Variants in SCNN1G observed in about 807,000 individuals in gnomAD.
SCNN1G encodes the protein epithelial sodium channel subunit gamma.
Under a neutral mutation model 64.6 loss-of-function variants are expected in SCNN1G, and 27 were observed. The ratio of observed to expected loss-of-function variants is 0.42; its 90% CI spans 0.31 to 0.58. The LOEUF is 0.58. SCNN1G is among the 20% of genes least tolerant of loss of function. The probability of loss-of-function intolerance (pLI) is 0.18; values close to 1 mark genes in which losing one functional copy is unlikely to be tolerated. For synonymous variants in SCNN1G, 330 were observed against 314.2 expected (o/e 1.05, Z -0.53); for missense variants, 743 against 823.4 (o/e 0.90, Z 1.19).
chr16:23,207,574 T>C (rs1960010353), intron 6 of SCNN1G, among the ~76,000 whole-genome samples: 1 of 152,206 alleles, frequency 6.6e-6, no homozygotes, highest in South Asian at 2.1e-4. Context: ...CTCTTGTTAG[T>C]GAGAAGGGCG....
Position 23,215,699 on chromosome 16 carries a change from C to T in SCNN1G, c.*230C>T, listed in dbSNP as rs72647546. On this transcript the variant is annotated 3_prime_UTR_variant, in exon 13 of 13. Transcript: ENST00000300061. ...CAACTGTCCAGGCTGAGATAAATCC[C>T]GGGACCTGAACTATTAGCACGTCAC... is the stretch of plus-strand genomic sequence containing the variant. 9.6e-4 allele frequency: 581 copies of T among 602,148 alleles called. 3 individuals carry two copies. Among genetic ancestry groups the T allele is most frequent in the South Asian group, 6.3e-3 (320 of 50,936 alleles). 37.3% of individuals were successfully genotyped at this position (602,148 alleles called of 1,614,324 possible). A position where few individuals can be genotyped will look rare whatever the true frequency, so the allele number is the denominator to read the frequency against.
chr16:23,212,552 A>G, intron 8 of SCNN1G, 126 bp from the exon 9 acceptor site: 1 of 787,046 alleles, frequency 1.3e-6, no homozygotes, highest in South Asian at 1.4e-5. Flanking sequence ...GTTTCCAGAG[A>G]GTTGGTAGAA....
intron 6 of SCNN1G, among the ~76,000 whole-genome samples, chr16:23,204,320 TATATATATATATATAGAGAGAG>T (rs1380279950): frequency 1.9e-4 from 15 of 80,108 alleles, no homozygotes; most frequent in African/African-American, 3.3e-4. Context: ...TATATATATA[TATATATATATATATAGAGAGAG>T]AGAGAGAGAG....
At chr16:23,207,559 A>C (rs994434787) in intron 6 of SCNN1G, among the ~76,000 whole-genome samples, 2 of 152,170 alleles carry the variant, frequency 1.3e-5, no homozygotes, top group African/African-American at 4.8e-5. Context: ...ATAGAAAGAC[A>C]CTCACTCTTG....
intron 1 of SCNN1G, among the ~76,000 whole-genome samples, chr16:23,185,557 C>T (rs1471868021): frequency 6.6e-6 from 1 of 152,032 alleles, no homozygotes; most frequent in Non-Finnish European, 1.5e-5. Context: ...ACTAAGTGGC[C>T]AATAGTTGCA....
At position 23,186,225 on chromosome 16, in the gene SCNN1G, C is replaced by T; in HGVS notation, c.-44-3C>T. 1 of 1,596,756 alleles carries T rather than the reference C, an allele frequency of 6.3e-7. No homozygotes were observed. Among genetic ancestry groups the T allele is most frequent in the Non-Finnish European group, 8.6e-7 (1 of 1,164,552 alleles). On this transcript the variant is annotated splice_region_variant and splice_polypyrimidine_tract_variant and intron_variant, in intron 1 of 12. Transcript: ENST00000300061. ...CACCTGCTTCTCTTCTTTGCCCCTCCAGCACGCCCGTCCTCAGAGTCCCGT... is the reference window on the plus strand; with the variant it reads ...CACCTGCTTCTCTTCTTTGCCCCTCTAGCACGCCCGTCCTCAGAGTCCCGT...
chr16:23,197,985 A>C (rs776561002), intron 6 of SCNN1G, among the ~76,000 whole-genome samples: 4 of 152,228 alleles, frequency 2.6e-5, no homozygotes, highest in Non-Finnish European at 5.9e-5. Context: ...GAAGCAAGGC[A>C]TTAGGACACT....
At position 23,215,318 on chromosome 16, in the gene SCNN1G, A is replaced by G. The variant is rs1338233777; in HGVS notation, c.1799A>G (p.Asp600Gly). ...GACAATCCAGCCCTGGATATAGACG[A>G]TGACCTACCCACTTTCAACTCTGCT... is the stretch of plus-strand genomic sequence containing the variant. ...GQDNPALDID[D>G]DLPTFNSALH... The change falls in exon 13 of 13, where the codon GAT (aspartate) becomes GGT (glycine). Residue 600 changes from aspartate to glycine, a missense_variant. Asp to Gly is a moderately conservative substitution (Grantham distance 94). Coordinates refer to ENST00000300061, the MANE Select transcript of SCNN1G (RefSeq NM_001039.4). The G allele has an allele frequency of 6.2e-7, 1 of 1,614,164 alleles. No individual in the cohort carries two copies.
At chr16:23,206,480 C>T (rs1485804653) in intron 6 of SCNN1G, among the ~76,000 whole-genome samples, 4 of 152,124 alleles carry the variant, frequency 2.6e-5, no homozygotes, top group East Asian at 1.9e-4. Context: ...CTGGGTGCAG[C>T]GCCCCATACC....
chr16:23,215,928 T>C lies in SCNN1G; in HGVS notation c.*459T>C. The C allele has an allele frequency of 4.6e-6, 1 of 215,358 alleles. No individual in the cohort carries two copies. The highest frequency in any genetic ancestry group is 1.2e-4 in the East Asian group (1 of 8,526). The allele number at this position is 215,358 out of a possible 1,614,324, so 13.3% of individuals were successfully genotyped here. A position where few individuals can be genotyped will look rare whatever the true frequency, so the allele number is the denominator to read the frequency against. Reference sequence around the variant, plus strand: ...GACAGCTACTGCCAGATGCCAAAGATAGGAGAAAGTGCCAGCCCTGAAGCT... The same window carrying C: ...GACAGCTACTGCCAGATGCCAAAGACAGGAGAAAGTGCCAGCCCTGAAGCT... On this transcript the variant is annotated 3_prime_UTR_variant, in exon 13 of 13. Transcript: ENST00000300061.
rs1199336578 is a variant in SCNN1G at position 23,216,819 on chromosome 16, A to T, written c.*1350A>T. The T allele has an allele frequency of 1.3e-5, 2 of 152,326 alleles. No homozygotes were observed. The highest frequency in any genetic ancestry group is 3.9e-4 in the East Asian group (2 of 5,184). 9.4% of individuals were successfully genotyped at this position (152,326 alleles called of 1,614,324 possible). ...GCAAAAGAAGAAGATTCTGTGACTC[A>T]TGAAAATGATATGAGATTCGAATTC... is the stretch of plus-strand genomic sequence containing the variant. On this transcript the variant is annotated 3_prime_UTR_variant, in exon 13 of 13. Coordinates refer to ENST00000300061, the MANE Select transcript of SCNN1G (RefSeq NM_001039.4).
At chr16:23,192,669 C>T (rs1471162965) in intron 4 of SCNN1G, 127 bp downstream of exon 4, 4 of 767,798 alleles carry the variant, frequency 5.2e-6, no homozygotes, top group South Asian at 1.5e-5. Context: ...ACTGATGCTG[C>T]CTTTTGGAAA....
At chr16:23,192,597 A>G (rs1353581638) in intron 4 of SCNN1G, 55 bp downstream of exon 4, 12 of 1,450,858 alleles carry the variant, frequency 8.3e-6, no homozygotes, top group Non-Finnish European at 1.1e-5. Flanking sequence ...TCTGAGTACC[A>G]GGCCCCTTGC....
intron 6 of SCNN1G, among the ~76,000 whole-genome samples, chr16:23,205,864 GA>G (rs1959981933): frequency 6.6e-6 from 1 of 152,190 alleles, no homozygotes. Flanking sequence ...CCAAGGGAAA[GA>G]AAAGCCCCCC....
intron 1 of SCNN1G, among the ~76,000 whole-genome samples, chr16:23,185,968 C>T (rs1959598872): frequency 6.6e-6 from 1 of 152,208 alleles, no homozygotes; most frequent in Non-Finnish European, 1.5e-5. Flanking sequence ...CAGGTTGCAC[C>T]TCACCCAGCC....
rs1491484237 is a variant in SCNN1G at position 23,213,253 on chromosome 16, T to TTTTTTA, written c.1493+95_1493+96insATTTTT. 7 of 337,078 alleles carry TTTTTTA rather than the reference T, an allele frequency of 2.1e-5. No individual in the cohort carries two copies. The East Asian group carries it at 5.5e-4, about 27-fold the overall frequency. 20.9% of individuals were successfully genotyped at this position (337,078 alleles called of 1,614,324 possible). The stretch of plus-strand genomic sequence containing the variant: ...TCTGTATGTGTATGGCCAAATCCTC[T>TTTTTTA]TTTTTTTTTTTTTTTTTTTTATGGA... On this transcript the variant is annotated intron_variant, in intron 11 of 12. Transcript: ENST00000300061.
intron 6 of SCNN1G, among the ~76,000 whole-genome samples, chr16:23,204,871 G>A (rs537442770): frequency 2.9e-4 from 44 of 152,198 alleles, no homozygotes; most frequent in Middle Eastern, 6.8e-3. Context: ...GCTTTGGGAG[G>A]CCAAAGTGGG....
intron 6 of SCNN1G, among the ~76,000 whole-genome samples, chr16:23,197,823 T>A (rs1484650251): frequency 6.6e-6 from 1 of 150,406 alleles, no homozygotes; most frequent in African/African-American, 2.5e-5. Flanking sequence ...GAGGTTGCAG[T>A]GGGCCGAGAT....
rs145715740 is a variant in SCNN1G at position 23,199,893 on chromosome 16, G to A, written c.1077+2466G>A. Among the ~76,000 whole-genome samples the A allele has an allele frequency of 3.2e-4, 48 of 151,560 alleles. 2 individuals carry two copies. In the East Asian group the frequency reaches 8.4e-3, roughly 26 times the overall value. Reference sequence around the variant, plus strand: ...TCACTGTGTTAGCCAGGATGGTCTCGATCTCCTGACCTTGTGATCCGCCCG... The same window carrying A: ...TCACTGTGTTAGCCAGGATGGTCTCAATCTCCTGACCTTGTGATCCGCCCG... On this transcript the variant is annotated intron_variant, in intron 6 of 12. Coordinates refer to ENST00000300061, the MANE Select transcript of SCNN1G (RefSeq NM_001039.4).
Sources: gnomAD v4.1 joint callset for allele counts (sites outside exome capture counted in the v4.1 genomes callset) on GRCh38, gnomAD v4.1.1 for gene constraint, MANE v1.5 for transcripts, NCBI Gene and HGNC (gene_info 2026-07-23, HGNC 2026-07-21) for gene names.